The following ABCC11 variants were observed in gnomAD, a reference collection of about 807,000 sequenced individuals.
ABCC11 encodes ATP-binding cassette sub-family C member 11.
ABCC11 carries 135 observed loss-of-function variants against 149.3 expected under a neutral mutation model. The ratio of observed to expected loss-of-function variants is 0.90; its 90% CI spans 0.79 to 1.04. The LOEUF (loss-of-function observed/expected upper bound fraction) is 1.04, where lower values mean the gene tolerates loss of function less well. ABCC11 is among the 50% of genes least tolerant of loss of function. The pLI is 0.00. For missense variants in ABCC11, 1,680 were observed against 1,722.1 expected (o/e 0.98, Z 0.43); for synonymous variants, 665 against 671.4 (o/e 0.99, Z 0.15).
At chr16:48,171,663 G>A (rs766308083) in intron 26 of ABCC11, among the ~76,000 whole-genome samples, 43 of 152,028 alleles carry the variant, frequency 2.8e-4, no homozygotes, top group Non-Finnish European at 5.4e-4. Flanking sequence ...TATTTATATC[G>A]AAACCTTTTT....
chr16:48,233,068 G>T (rs1970510640), intron 1 of ABCC11, among the ~76,000 whole-genome samples: 1 of 152,060 alleles, frequency 6.6e-6, no homozygotes, highest in African/African-American at 2.4e-5. Flanking sequence ...AGACGTAGTG[G>T]TGCACGCTTG....
At chr16:48,191,840 G>A (rs1966949229) in intron 20 of ABCC11, among the ~76,000 whole-genome samples, 1 of 151,872 alleles carries the variant, frequency 6.6e-6, no homozygotes, top group South Asian at 2.1e-4. Flanking sequence ...GGGGTTGGGG[G>A]ACGGGGGAGG....
intron 4 of ABCC11, among the ~76,000 whole-genome samples, chr16:48,224,846 A>T (rs1430590401): frequency 6.6e-6 from 1 of 152,104 alleles, no homozygotes; most frequent in Admixed American, 6.5e-5. Context: ...AACATGGTGA[A>T]ACCCCCATCT....
rs1965327246 is a variant in ABCC11, at chr16:48,166,116, C to T, written c.*1158G>A. ...CAATTTTACTTTGGTGAAACAACCT[C>T]TTCTATTCTCAGTCTACATGATCTA... is the stretch of plus-strand genomic sequence containing the variant. On this transcript the variant is annotated 3_prime_UTR_variant, in exon 30 of 30. Coordinates refer to ENST00000356608, the MANE Select transcript of ABCC11 (RefSeq NM_001370497.1). Among the ~76,000 whole-genome samples the T allele has an allele frequency of 6.6e-6, 1 of 152,252 alleles. No individual in the cohort carries two copies. Among genetic ancestry groups the T allele is most frequent in the Non-Finnish European group, 1.5e-5 (1 of 68,050 alleles).
At chr16:48,184,281 G>A (rs533859159) in intron 23 of ABCC11, among the ~76,000 whole-genome samples, 159 bp downstream of exon 23, 1 of 152,330 alleles carries the variant, frequency 6.6e-6, no homozygotes, top group African/African-American at 2.4e-5. Flanking sequence ...ACAGAGCAAA[G>A]TACCAATTTC....
chr16:48,226,417 G>C (rs1970078578), intron 4 of ABCC11, among the ~76,000 whole-genome samples: 1 of 151,906 alleles, frequency 6.6e-6, no homozygotes. Context: ...TGGGACTACA[G>C]AGGCACCCGC....
intron 26 of ABCC11, among the ~76,000 whole-genome samples, chr16:48,171,652 C>T (rs889912238): frequency 6.6e-6 from 1 of 152,228 alleles, no homozygotes; most frequent in African/African-American, 2.4e-5. Context: ...ACCATTACCA[C>T]TATTTATATC....
At chr16:48,231,983 TAGA>T (rs1970450600) in intron 1 of ABCC11, 44 bp from the exon 2 acceptor site, 3 of 1,610,682 alleles carry the variant, frequency 1.9e-6, no homozygotes, top group Admixed American at 1.7e-5. Context: ...CAGCAGGAGT[TAGA>T]AGAAGCTTAG....
chr16:48,227,406 A>AGAGGTTGCAGTCAGCC (rs1555470407), intron 4 of ABCC11, among the ~76,000 whole-genome samples: 1 of 151,306 alleles, frequency 6.6e-6, no homozygotes, highest in Non-Finnish European at 1.5e-5. Flanking sequence ...CCCAGGAGGC[A>AGAGGTTGCAGTCAGCC]GAGGTTGCAG....
intron 24 of ABCC11, 126 bp from the exon 25 acceptor site, chr16:48,177,239 GC>G (rs1173277915): frequency 1.2e-5 from 11 of 914,904 alleles, no homozygotes; most frequent in Non-Finnish European, 1.6e-5. Context: ...CCAAGGTCAA[GC>G]CCCCTGCTGT....
chr16:48,168,057 T>G (rs1443300854), intron 28 of ABCC11, among the ~76,000 whole-genome samples: 1 of 152,206 alleles, frequency 6.6e-6, no homozygotes, highest in Non-Finnish European at 1.5e-5. Flanking sequence ...GGATAAACAT[T>G]CTTTTTAGTT....
intron 10 of ABCC11, among the ~76,000 whole-genome samples, chr16:48,211,490 A>T (rs1307788268): frequency 6.6e-6 from 1 of 152,192 alleles, no homozygotes; most frequent in Non-Finnish European, 1.5e-5. Flanking sequence ...AACCTACATT[A>T]GCCTCATCCC....
chr16:48,170,295 C>A, intron 27 of ABCC11, 77 bp from the exon 28 acceptor site: 1 of 1,139,102 alleles, frequency 8.8e-7, no homozygotes, highest in Admixed American at 1.8e-5. Flanking sequence ...TGTCAATCTT[C>A]CGCTGTATTG....
intron 6 of ABCC11, among the ~76,000 whole-genome samples, chr16:48,222,067 A>T (rs953949460): frequency 6.7e-6 from 1 of 148,956 alleles, no homozygotes; most frequent in Non-Finnish European, 1.5e-5. Flanking sequence ...GGCATGTACC[A>T]CCAAGCCCAG....
intron 13 of ABCC11, among the ~76,000 whole-genome samples, 193 bp downstream of exon 13, chr16:48,205,220 C>T (rs555567286): frequency 2.9e-4 from 44 of 152,302 alleles, no homozygotes; most frequent in Admixed American, 5.2e-4. Flanking sequence ...ATTATTTAAC[C>T]TCTTGGGGCC....
chr16:48,172,990 G>A (rs536739306), intron 26 of ABCC11, among the ~76,000 whole-genome samples: 10 of 152,318 alleles, frequency 6.6e-5, no homozygotes, highest in Admixed American at 2.6e-4. Context: ...TGCCAGCCAC[G>A]CATATCTTGT....
chr16:48,178,501 T>C, intron 24 of ABCC11, 96 bp downstream of exon 24: 1 of 1,169,130 alleles, frequency 8.6e-7, no homozygotes, highest in Non-Finnish European at 1.3e-6. Flanking sequence ...CCTGGGATGG[T>C]CTCAGGGCTC....
In ABCC11 at chr16:48,193,834, A is replaced by T. The variant is rs550761181; in HGVS notation, c.2508+45T>A. On this transcript the variant is annotated intron_variant, in intron 19 of 29. Coordinates refer to ENST00000356608, the MANE Select transcript of ABCC11 (RefSeq NM_001370497.1). ...AAGGAGCAAGAAGTCACCCCACCTC[A>T]CTCAAGCCCATAGAAACACAGCCCA... 1.3e-4 allele frequency: 193 copies of T among 1,509,854 alleles called. No homozygotes were observed. The Middle Eastern group carries it at 1.8e-3, about 14-fold the overall frequency. The allele number at this position is 1,509,854 out of a possible 1,614,324, so 93.5% of individuals were successfully genotyped here. A position where few individuals can be genotyped will look rare whatever the true frequency, so the allele number is the denominator to read the frequency against.
chr16:48,193,393 A>G (rs1967095773), intron 19 of ABCC11, among the ~76,000 whole-genome samples: 1 of 152,172 alleles, frequency 6.6e-6, no homozygotes, highest in Non-Finnish European at 1.5e-5. Flanking sequence ...GTCCTGTCCT[A>G]GGGCAGGTTC....
Sources: gnomAD v4.1 joint callset for allele counts (sites outside exome capture counted in the v4.1 genomes callset) on GRCh38, gnomAD v4.1.1 for gene constraint, MANE v1.5 for transcripts, NCBI Gene and HGNC (gene_info 2026-07-23, HGNC 2026-07-21) for gene names.